Variants in TBC1D5 observed in about 807,000 individuals in gnomAD.
TBC1D5 encodes TBC1 domain family, member 5.
TBC1D5 carries 75 observed loss-of-function variants against 100.3 expected under a neutral mutation model. The ratio of observed to expected loss-of-function variants is 0.75; its 90% confidence interval spans 0.62 to 0.91. The LOEUF is 0.91. Ranked by LOEUF, TBC1D5 falls within the 40% of genes least tolerant of loss-of-function variation. TBC1D5 has a pLI of 0.00. For missense variants in TBC1D5, 910 were observed against 942.4 expected (o/e 0.97, Z 0.45); for synonymous variants, 323 against 325.6 (o/e 0.99, Z 0.09).
At chr3:17,262,478 G>GTTTTT (rs746293280) in intron 15 of TBC1D5, among the ~76,000 whole-genome samples, 1 of 114,982 alleles carries the variant, frequency 8.7e-6, no homozygotes, top group Non-Finnish European at 1.8e-5. Context: ...CCAAAACAAT[G>GTTTTT]TTTTTTTTTT....
At chr3:17,627,593 C>T (rs1317017721) in intron 1 of TBC1D5, among the ~76,000 whole-genome samples, 2 of 151,016 alleles carry the variant, frequency 1.3e-5, no homozygotes, top group Non-Finnish European at 2.9e-5. Flanking sequence ...AAAACTTTAC[C>T]CAACATTGTT....
At chr3:17,167,867 G>A (rs980691546) in intron 19 of TBC1D5, 39 bp from the exon 21 acceptor site, 4 of 1,424,606 alleles carry the variant, frequency 2.8e-6, no homozygotes, top group Non-Finnish European at 3.9e-6. Flanking sequence ...CCAATGCTCT[G>A]AGCATAACCT....
intron 2 of TBC1D5, among the ~76,000 whole-genome samples, chr3:17,615,850 T>C (rs763236438): frequency 7.9e-5 from 12 of 152,212 alleles, no homozygotes; most frequent in South Asian, 2.1e-4. Flanking sequence ...CCTGGATTCA[T>C]TGCATTTTTT....
intron 1 of TBC1D5, among the ~76,000 whole-genome samples, chr3:17,628,912 T>A (rs1410546731): frequency 6.6e-6 from 1 of 152,216 alleles, no homozygotes; most frequent in Admixed American, 6.5e-5. Flanking sequence ...ATAATAAATA[T>A]GTGCTGTGTC....
intron 3 of TBC1D5, among the ~76,000 whole-genome samples, chr3:17,495,857 T>G (rs1480661297): frequency 6.6e-6 from 1 of 152,228 alleles, no homozygotes; most frequent in African/African-American, 2.4e-5. Flanking sequence ...TACTTTATGA[T>G]GTTCAGAAAT....
At chr3:17,394,796 C>T (rs760209907) in intron 8 of TBC1D5, among the ~76,000 whole-genome samples, 1 of 151,918 alleles carries the variant, frequency 6.6e-6, no homozygotes, top group Middle Eastern at 3.2e-3. Context: ...ATTAAGACGA[C>T]GCAATCGGGC....
In TBC1D5 at chr3:17,637,188, ATTTTTT is replaced by A. The variant is rs1186523023; in HGVS notation, c.-100-13281_-100-13276del. 7.9e-3 allele frequency among the ~76,000 whole-genome samples: 758 copies of A among 95,404 alleles called. 3 individuals carry two copies. Among genetic ancestry groups the A allele is most frequent in the African/African-American group, 0.035 (713 of 20,662 alleles). The allele number at this position is 95,404 out of a possible 152,430, so 62.6% of individuals were successfully genotyped here. A position where few individuals can be genotyped will look rare whatever the true frequency, so the allele number is the denominator to read the frequency against. ...GGGTGTGTGCCACCATGCCCGACTA[ATTTTTT>A]TTTTTTTTTTTTTTTTTTTTTTTTT... On this transcript the variant is annotated intron_variant, in intron 1 of 21. Coordinates refer to ENST00000253692, the Ensembl canonical transcript of TBC1D5.
At chr3:17,525,833 A>G (rs1226084829) in intron 2 of TBC1D5, among the ~76,000 whole-genome samples, 7 of 150,556 alleles carry the variant, frequency 4.6e-5, no homozygotes, top group Admixed American at 4.6e-4. Flanking sequence ...CCTCTTCCTA[A>G]AACACTTTAC....
At chr3:17,480,355 G>A (rs1483858240) in intron 3 of TBC1D5, among the ~76,000 whole-genome samples, 2 of 152,210 alleles carry the variant, frequency 1.3e-5, no homozygotes, top group African/African-American at 2.4e-5. Flanking sequence ...CTTAAAGCCA[G>A]GTATGGCCTG....
intron 17 of TBC1D5, among the ~76,000 whole-genome samples, chr3:17,237,795 G>A (rs769601347): frequency 2.6e-5 from 4 of 152,190 alleles, no homozygotes; most frequent in African/African-American, 4.8e-5. Flanking sequence ...GACTAGTGAA[G>A]CCCATGGTAC....
chr3:17,655,302 G>T (rs1379418440), intron 1 of TBC1D5, among the ~76,000 whole-genome samples: 3 of 125,688 alleles, frequency 2.4e-5, no homozygotes, highest in Non-Finnish European at 4.8e-5. Flanking sequence ...TCTGGGGACT[G>T]TTGTGGGGTG....
intron 17 of TBC1D5, among the ~76,000 whole-genome samples, chr3:17,215,817 T>C (rs1252191033): frequency 6.6e-6 from 1 of 152,130 alleles, no homozygotes; most frequent in Non-Finnish European, 1.5e-5. Context: ...AGAGATACTT[T>C]ATAGACTAAC....
chr3:17,469,385 A>G (rs2095346702), intron 3 of TBC1D5, among the ~76,000 whole-genome samples: 1 of 152,178 alleles, frequency 6.6e-6, no homozygotes, highest in African/African-American at 2.4e-5. Context: ...GAGATTTCCC[A>G]AAGATTCTTA....
chr3:17,290,494 A>G (rs907404882), intron 15 of TBC1D5, among the ~76,000 whole-genome samples: 3 of 152,224 alleles, frequency 2.0e-5, no homozygotes, highest in African/African-American at 7.2e-5. Context: ...TGCAAGTAGA[A>G]ATTTCAAATT....
rs1004876631 is a variant in TBC1D5, at chr3:17,419,337, T to G, written c.167+9113A>C. On this transcript the variant is annotated intron_variant, in intron 4 of 21. Coordinates refer to ENST00000253692, the Ensembl canonical transcript of TBC1D5. ...GTTACAAAATAAATTGTGTGTACTT[T>G]CCTCTCTTGTCTTTAAAAGCTTCCC... 1.1e-3 allele frequency among the ~76,000 whole-genome samples: 166 copies of G among 152,274 alleles called. 1 individual carries two copies. Among genetic ancestry groups the G allele is most frequent in the African/African-American group, 3.9e-3 (162 of 41,556 alleles).
intron 8 of TBC1D5, among the ~76,000 whole-genome samples, chr3:17,386,429 T>C (rs566877501): frequency 3.8e-4 from 58 of 152,242 alleles, no homozygotes; most frequent in South Asian, 1.0e-3. Flanking sequence ...AAATGTAAAG[T>C]ATACCTGTTA....
chr3:17,569,578 C>T (rs1050209226), intron 2 of TBC1D5, among the ~76,000 whole-genome samples: 1 of 151,314 alleles, frequency 6.6e-6, no homozygotes, highest in African/African-American at 2.4e-5. Flanking sequence ...TTTTTATCCA[C>T]CCTGCATATG....
In TBC1D5 at chr3:17,555,721, T is replaced by C. The variant is rs139605507; in HGVS notation, c.-35-47116A>G. Reference sequence around the variant, plus strand: ...GATTTCTTACAGGGCCTGCTATCTGTCATGTGATGCTATACTACAATCAGG... The same window carrying C: ...GATTTCTTACAGGGCCTGCTATCTGCCATGTGATGCTATACTACAATCAGG... On this transcript the variant is annotated intron_variant, in intron 2 of 21. Transcript: ENST00000253692. 7.2e-5 allele frequency among the ~76,000 whole-genome samples: 11 copies of C among 152,340 alleles called. No homozygotes were observed. The East Asian group carries it at 2.1e-3, about 29-fold the overall frequency.
chr3:17,538,174 C>T (rs1026817286), intron 2 of TBC1D5, among the ~76,000 whole-genome samples: 2 of 151,984 alleles, frequency 1.3e-5, no homozygotes, highest in East Asian at 1.9e-4. Flanking sequence ...GACTGTCAGG[C>T]GACCATGAGG....
Sources: gnomAD v4.1 joint callset for allele counts (sites outside exome capture counted in the v4.1 genomes callset) on GRCh38, gnomAD v4.1.1 for gene constraint, MANE v1.5 for transcripts, NCBI Gene and HGNC (gene_info 2026-07-23, HGNC 2026-07-21) for gene names.